Variants in CA5A observed in about 807,000 individuals in gnomAD.
CA5A encodes the protein carbonic anhydrase 5A.
A neutral mutation model predicts 37.1 loss-of-function variants in CA5A; 28 were observed. The observed-to-expected ratio is 0.75, with a 90% CI of 0.56 to 1.03. The LOEUF is 1.03. Among genes scored for constraint, CA5A ranks in the 50% least tolerant of loss-of-function variants. The probability of loss-of-function intolerance (pLI) is 0.00; values close to 1 mark genes in which losing one functional copy is unlikely to be tolerated. For synonymous variants in CA5A, 171 were observed against 158.4 expected, an observed-to-expected ratio of 1.08 and a Z score of -0.60; for missense variants, 444 against 399.9, an observed-to-expected ratio of 1.11 and a Z score of -0.94.
At chr16:87,922,879 C>T (rs185170695) in intron 2 of CA5A, among the ~76,000 whole-genome samples, 1 of 152,360 alleles carries the variant, frequency 6.6e-6, no homozygotes, top group African/African-American at 2.4e-5. Context: ...CATTGGGAGG[C>T]CTCTGTGGCC....
intron 1 of CA5A, among the ~76,000 whole-genome samples, chr16:87,931,891 C>G (rs1487277173): frequency 3.9e-5 from 6 of 152,240 alleles, no homozygotes; most frequent in Non-Finnish European, 8.8e-5. Context: ...CCAGCATCTG[C>G]TTTAATTCAG....
At chr16:87,917,312 G>C (rs1386517447) in intron 2 of CA5A, among the ~76,000 whole-genome samples, 1 of 152,140 alleles carries the variant, frequency 6.6e-6, no homozygotes, top group Non-Finnish European at 1.5e-5. Context: ...AATTAGTGCA[G>C]GGCTGGGCCA....
Position 87,888,076 on chromosome 16 carries a change from C to T in CA5A, c.*53G>A. On this transcript the variant is annotated 3_prime_UTR_variant, in exon 7 of 7. Coordinates refer to ENST00000649794, the MANE Select transcript of CA5A (RefSeq NM_001739.2). Reference sequence around the variant, plus strand: ...CAATCACATTGTGAAACTTGGGAAACAACGCTTCCTTCCTTCAAAGTCAGT... The same window carrying T: ...CAATCACATTGTGAAACTTGGGAAATAACGCTTCCTTCCTTCAAAGTCAGT... The T allele has an allele frequency of 6.5e-7, 1 of 1,530,010 alleles. No individual in the cohort carries two copies. Among genetic ancestry groups the T allele is most frequent in the Non-Finnish European group, 8.8e-7 (1 of 1,135,268 alleles). 94.8% of individuals were successfully genotyped at this position (1,530,010 alleles called of 1,614,324 possible). A position where few individuals can be genotyped will look rare whatever the true frequency, so the allele number is the denominator to read the frequency against.
chr16:87,914,265 C>CA (rs937729793), intron 2 of CA5A, among the ~76,000 whole-genome samples: 2 of 152,202 alleles, frequency 1.3e-5, no homozygotes, highest in African/African-American at 4.8e-5. Context: ...TAGGCATTAC[C>CA]GCCTGATGGG....
intron 5 of CA5A, among the ~76,000 whole-genome samples, chr16:87,895,762 G>T (rs147037606): frequency 6.6e-6 from 1 of 151,714 alleles, no homozygotes; most frequent in African/African-American, 2.4e-5. Context: ...CATGTAACAT[G>T]TGGAACATTT....
At chr16:87,885,205 C>CA (rs753780912), downstream of CA5A, 24 of 169,044 alleles carry the variant, frequency 1.4e-4, no homozygotes, top group East Asian at 5.1e-4. Flanking sequence ...ACAACAACAA[C>CA]AAAAAAAAGA....
At chr16:87,895,109 G>C (rs1430392183) in intron 5 of CA5A, among the ~76,000 whole-genome samples, 1 of 152,052 alleles carries the variant, frequency 6.6e-6, no homozygotes, top group East Asian at 1.9e-4. Flanking sequence ...AACTAGCCAG[G>C]TGCAGTGGTG....
At chr16:87,913,977 G>A (rs1311469351) in intron 2 of CA5A, among the ~76,000 whole-genome samples, 3 of 152,226 alleles carry the variant, frequency 2.0e-5, no homozygotes, top group East Asian at 1.9e-4. Context: ...GCGGCAGCGC[G>A]TTCATCCACT....
At chr16:87,883,938 G>C (rs1248370900), downstream of CA5A, 1 of 151,644 alleles carries the variant, frequency 6.6e-6, no homozygotes, top group African/African-American at 2.4e-5. Flanking sequence ...CACCGCGCCT[G>C]ACCTAACCTA....
At chr16:87,923,766 A>G (rs368225839) in intron 2 of CA5A, 9 of 985,252 alleles carry the variant, frequency 9.1e-6, no homozygotes, top group Non-Finnish European at 9.6e-6. Context: ...AGTTATTAAA[A>G]TATCAGTGAG....
chr16:87,917,004 C>G (rs1473520559), intron 2 of CA5A, among the ~76,000 whole-genome samples: 7 of 150,982 alleles, frequency 4.6e-5, no homozygotes, highest in African/African-American at 1.5e-4. Context: ...ACTCGGGAGG[C>G]TGAGGCAGGA....
rs74041847 is a variant in CA5A at position 87,930,229 on chromosome 16, G to C, written c.143-3284C>G. 8.6e-3 allele frequency among the ~76,000 whole-genome samples: 1,304 copies of C among 152,288 alleles called. 18 individuals are homozygous for C. Among genetic ancestry groups the C allele is most frequent in the African/African-American group, 0.03 (1,246 of 41,552 alleles). ...ACAGCATCTGGCACTATGAATGTTT[G>C]TTGAATGAATAATCCCTAGTGTGGA... On this transcript the variant is annotated intron_variant, in intron 1 of 6. Transcript: ENST00000649794.
chr16:87,929,538 T>C (rs187953411), intron 1 of CA5A, among the ~76,000 whole-genome samples: 266 of 152,050 alleles, frequency 1.7e-3, no homozygotes, highest in African/African-American at 6.2e-3. Context: ...TGTGTTTTGT[T>C]CTTTAATCAA....
intron 2 of CA5A, among the ~76,000 whole-genome samples, chr16:87,913,125 G>T (rs543475387): frequency 5.3e-5 from 8 of 151,716 alleles, no homozygotes; most frequent in African/African-American, 1.9e-4. Flanking sequence ...ATTACAGGCA[G>T]GCACCACCAC....
At chr16:87,895,448 G>C (rs1200948868) in intron 5 of CA5A, among the ~76,000 whole-genome samples, 4 of 152,204 alleles carry the variant, frequency 2.6e-5, no homozygotes, top group Non-Finnish European at 5.9e-5. Context: ...GGGAGGCTGA[G>C]GCAGGAGAAT....
intron 2 of CA5A, among the ~76,000 whole-genome samples, chr16:87,915,520 G>A (rs1233868277): frequency 7.6e-6 from 1 of 132,240 alleles, no homozygotes. Context: ...CAGATCCTGT[G>A]TCAAAATTTT....
At chr16:87,908,266 G>C (rs1375565773) in intron 2 of CA5A, among the ~76,000 whole-genome samples, 1 of 152,188 alleles carries the variant, frequency 6.6e-6, no homozygotes, top group East Asian at 1.9e-4. Context: ...TGGGCAAGTA[G>C]CTTAGCCTCT....
Position 87,935,121 on chromosome 16 carries a change from C to T in CA5A, c.142+1188G>A, listed in dbSNP as rs150665586. Among the ~76,000 whole-genome samples, 591 of 152,360 alleles carry T rather than the reference C, an allele frequency of 3.9e-3. 6 individuals are homozygous for T. The highest frequency in any genetic ancestry group is 0.013 in the African/African-American group (554 of 41,584). ...GCCGAGGCTCCACCTCAGCAAGCGTCAGTCGGACTGCATGCCTGGGGTCTG... is the reference window on the plus strand; with the variant it reads ...GCCGAGGCTCCACCTCAGCAAGCGTTAGTCGGACTGCATGCCTGGGGTCTG... On this transcript the variant is annotated intron_variant, in intron 1 of 6. Coordinates refer to ENST00000649794, the MANE Select transcript of CA5A (RefSeq NM_001739.2).
At chr16:87,897,698 C>T (rs1254988780) in intron 5 of CA5A, among the ~76,000 whole-genome samples, 4 of 152,184 alleles carry the variant, frequency 2.6e-5, no homozygotes, top group African/African-American at 9.7e-5. Context: ...CTTCAGGCTG[C>T]GTGGACCCAC....
Sources: allele counts gnomAD v4.1 joint callset (sites outside exome capture counted in the v4.1 genomes callset), GRCh38; gene constraint gnomAD v4.1.1; transcripts MANE v1.5; gene names NCBI Gene and HGNC (gene_info 2026-07-23, HGNC 2026-07-21).